The following CCNY variants were observed in gnomAD, a reference collection of about 807,000 sequenced individuals.
CCNY encodes cyclin Y.
In CCNY, 19 loss-of-function variants were observed where a neutral mutation model predicts 42.8. The observed-to-expected ratio is 0.44, with a 90% CI of 0.31 to 0.65. The LOEUF (loss-of-function observed/expected upper bound fraction) is 0.65, where lower values mean the gene tolerates loss of function less well. CCNY is among the 30% of genes least tolerant of loss of function. The pLI is 0.07. For missense variants in CCNY, 370 were observed against 437.3 expected (o/e 0.85, Z 1.37); for synonymous variants, 165 against 162.7 (o/e 1.01, Z -0.11).
At position 35,366,806 on chromosome 10, in the gene CCNY, G is replaced by A. The variant is rs1450338278; in HGVS notation, c.154+29599G>A. Among the ~76,000 whole-genome samples, 7 of 152,226 alleles carry A rather than the reference G, an allele frequency of 4.6e-5. No homozygotes were observed. The South Asian group carries it at 6.2e-4, about 14-fold the overall frequency. On this transcript the variant is annotated intron_variant, in intron 1 of 9. Transcript: ENST00000374704. ...CGTGTGGCAGTCAAACATTTGAAAC[G>A]TAGCTAGTGTGACTGAAGAACTGAA...
intron 2 of CCNY, among the ~76,000 whole-genome samples, chr10:35,498,955 C>A (rs993759075): frequency 2.0e-5 from 3 of 152,286 alleles, no homozygotes; most frequent in South Asian, 4.1e-4. Flanking sequence ...GATAGCTTAT[C>A]CTCAGGTGTT....
At chr10:35,429,678 C>A (rs1267051302) in intron 1 of CCNY, among the ~76,000 whole-genome samples, 1 of 152,148 alleles carries the variant, frequency 6.6e-6, no homozygotes, top group African/African-American at 2.4e-5. Context: ...TATGTAGTAA[C>A]TGGTAAATTG....
At chr10:35,375,881 C>T (rs1837041299) in intron 1 of CCNY, among the ~76,000 whole-genome samples, 1 of 152,232 alleles carries the variant, frequency 6.6e-6, no homozygotes, top group South Asian at 2.1e-4. Flanking sequence ...AGAAGACACA[C>T]TGAGGTGAGA....
chr10:35,544,478 G>A lies in CCNY; in HGVS notation c.580-8541G>A, dbSNP rs114431656. Among the ~76,000 whole-genome samples the A allele has an allele frequency of 6.8e-3, 1,032 of 152,282 alleles. 11 individuals carry two copies. Among genetic ancestry groups the A allele is most frequent in the African/African-American group, 0.024 (986 of 41,540 alleles). ...CCGTAGCACCTGCTTTTGTGTAAGT[G>A]CACTCTATGGTATTCCCACAAGGAT... On this transcript the variant is annotated intron_variant, in intron 7 of 9. Transcript: ENST00000374704.
At chr10:35,378,100 A>C (rs776682851) in intron 1 of CCNY, among the ~76,000 whole-genome samples, 2 of 152,224 alleles carry the variant, frequency 1.3e-5, no homozygotes, top group African/African-American at 2.4e-5. Flanking sequence ...ATTTATGTTA[A>C]AGTTTATTGA....
chr10:35,281,963 C>T (rs895394114), intron 3 of CCNY, among the ~76,000 whole-genome samples: 1 of 152,202 alleles, frequency 6.6e-6, no homozygotes, highest in East Asian at 1.9e-4. Flanking sequence ...TTTTAGTTCT[C>T]ATCTTCCTAG....
intron 4 of CCNY, among the ~76,000 whole-genome samples, chr10:35,517,264 C>G (rs866526906): frequency 6.6e-6 from 1 of 152,088 alleles, no homozygotes; most frequent in East Asian, 1.9e-4. Flanking sequence ...CTTCAGTTTC[C>G]GTACTTTAAA....
intron 1 of CCNY, among the ~76,000 whole-genome samples, chr10:35,383,953 A>G (rs1418390190): frequency 7.0e-6 from 1 of 142,036 alleles, no homozygotes; most frequent in African/African-American, 2.9e-5. Context: ...TGAGAGTAAG[A>G]ATATATATAT....
chr10:35,550,574 A>G (rs1356127659), intron 7 of CCNY, among the ~76,000 whole-genome samples: 1 of 151,108 alleles, frequency 6.6e-6, no homozygotes, highest in African/African-American at 2.4e-5. Context: ...CTGCCCCTCC[A>G]CCTGCACAGT....
At chr10:35,452,557 A>G (rs900096464) in intron 1 of CCNY, among the ~76,000 whole-genome samples, 1 of 152,248 alleles carries the variant, frequency 6.6e-6, no homozygotes, top group African/African-American at 2.4e-5. Flanking sequence ...TTACCATTTC[A>G]TGGTGTTCAT....
chr10:35,444,217 C>G (rs1448244195), intron 1 of CCNY, among the ~76,000 whole-genome samples: 4 of 151,382 alleles, frequency 2.6e-5, no homozygotes, highest in African/African-American at 9.7e-5. Flanking sequence ...CAGGCCCTGC[C>G]TGAGGCTGTT....
intron 7 of CCNY, among the ~76,000 whole-genome samples, chr10:35,549,029 G>A (rs1055079793): frequency 5.8e-4 from 88 of 152,054 alleles, no homozygotes; most frequent in African/African-American, 2.1e-3. Flanking sequence ...TTTTAAGCAA[G>A]AAACCATTAG....
At chr10:35,349,575 A>G (rs1022225511) in intron 1 of CCNY, among the ~76,000 whole-genome samples, 1 of 152,204 alleles carries the variant, frequency 6.6e-6, no homozygotes, top group Admixed American at 6.5e-5. Context: ...AGTCATATTC[A>G]CATATGAATG....
intron 9 of CCNY, among the ~76,000 whole-genome samples, chr10:35,567,200 A>T (rs952667016): frequency 2.0e-5 from 3 of 152,054 alleles, no homozygotes; most frequent in Non-Finnish European, 4.4e-5. Flanking sequence ...TCTGCTTTTT[A>T]TTTTTTTTCC....
At chr10:35,450,547 G>A (rs1430958775) in intron 1 of CCNY, among the ~76,000 whole-genome samples, 2 of 152,164 alleles carry the variant, frequency 1.3e-5, no homozygotes, top group Admixed American at 6.5e-5. Context: ...GGGATAAAGC[G>A]TTTCTTCTGA....
chr10:35,447,608 A>G (rs886570731), intron 1 of CCNY, among the ~76,000 whole-genome samples: 4 of 152,218 alleles, frequency 2.6e-5, no homozygotes, highest in African/African-American at 2.4e-5. Context: ...TAAGATTTCA[A>G]GAGGTTTGAG....
intron 7 of CCNY, among the ~76,000 whole-genome samples, chr10:35,542,739 A>G (rs1051587506): frequency 2.0e-5 from 3 of 152,210 alleles, no homozygotes; most frequent in African/African-American, 7.2e-5. Context: ...TGACTGTGGA[A>G]TCAATTGAGT....
intron 3 of CCNY, among the ~76,000 whole-genome samples, chr10:35,254,094 G>C (rs770915266): frequency 3.3e-5 from 5 of 151,932 alleles, no homozygotes; most frequent in Non-Finnish European, 4.4e-5. Flanking sequence ...AACCAGGATG[G>C]TCTCGATCTC....
At chr10:35,512,836 G>A (rs181175175) in intron 3 of CCNY, among the ~76,000 whole-genome samples, 9 of 152,168 alleles carry the variant, frequency 5.9e-5, no homozygotes, top group Non-Finnish European at 1.0e-4. Flanking sequence ...TCGCGGGTGG[G>A]AGCAGTTGAA....
Sources: allele counts gnomAD v4.1 joint callset (sites outside exome capture counted in the v4.1 genomes callset), GRCh38; gene constraint gnomAD v4.1.1; transcripts MANE v1.5; gene names NCBI Gene and HGNC (gene_info 2026-07-23, HGNC 2026-07-21).